Variants in PIGN observed in about 807,000 individuals in gnomAD.
The protein encoded by PIGN is phosphatidylinositol glycan anchor biosynthesis class N.
In PIGN, 117 loss-of-function variants were observed where a neutral mutation model predicts 125.4. That is an observed-to-expected ratio of 0.93 (90% CI 0.80 to 1.09). The LOEUF is 1.09. PIGN is among the 50% of genes least tolerant of loss of function. The probability of loss-of-function intolerance (pLI) is 0.00; values close to 1 mark genes in which losing one functional copy is unlikely to be tolerated. For synonymous variants in PIGN, 392 were observed against 377.8 expected (o/e 1.04, Z -0.44); for missense variants, 1,075 against 1,094.9 (o/e 0.98, Z 0.26).
At chr18:62,071,900 ATATATATAT>A (rs2032891906) in intron 30 of PIGN, among the ~76,000 whole-genome samples, 2 of 111,622 alleles carry the variant, frequency 1.8e-5, no homozygotes, top group Admixed American at 8.9e-5. Context: ...ATATATATAT[ATATATATAT>A]AAATTTAACT....
intron 14 of PIGN, among the ~76,000 whole-genome samples, chr18:62,125,205 TATAA>T (rs1184143702): frequency 6.6e-6 from 1 of 150,868 alleles, no homozygotes; most frequent in Non-Finnish European, 1.5e-5. Flanking sequence ...CATATGTGTA[TATAA>T]ATATACACGT....
chr18:62,031,286 T>C (rs2030190500), intron 23 of PIGN, among the ~76,000 whole-genome samples: 1 of 152,244 alleles, frequency 6.6e-6, no homozygotes, highest in African/African-American at 2.4e-5. Flanking sequence ...CCCAGCCATG[T>C]GGAACTGTGA....
rs867762792 is a variant in PIGN, at chr18:62,096,576, A to G, written c.2078-626T>C. On this transcript the variant is annotated intron_variant, in intron 22 of 30. Transcript: ENST00000640252. ...TCTAAGTTTTAGGGTACATGTGCAC[A>G]TTGTGCAGGTTAGTTACATATGTAT... is the stretch of plus-strand genomic sequence containing the variant. 1.7e-3 allele frequency among the ~76,000 whole-genome samples: 167 copies of G among 100,522 alleles called. 1 individual carries two copies. Among genetic ancestry groups the G allele is most frequent in the Middle Eastern group, 7.7e-3 (1 of 130 alleles). 65.9% of individuals were successfully genotyped at this position (100,522 alleles called of 152,430 possible).
At chr18:62,169,677 G>A (rs2037282406) in intron 1 of PIGN, among the ~76,000 whole-genome samples, 1 of 151,744 alleles carries the variant, frequency 6.6e-6, no homozygotes, top group Non-Finnish European at 1.5e-5. Flanking sequence ...CTGCAGTGCA[G>A]TCGTACGATC....
In PIGN at chr18:62,022,470, G is replaced by A. The variant is rs2030064351; in HGVS notation, c.2143-4729C>T. On this transcript the variant is annotated intron_variant, in intron 23 of 24. Coordinates refer to the PIGN transcript ENST00000639600. Reference sequence around the variant, plus strand: ...GGACAATAAGGTTAAGCCCTGAATTGCTAGAGAATTTTCTGCTAAGCTGGT... The same window carrying A: ...GGACAATAAGGTTAAGCCCTGAATTACTAGAGAATTTTCTGCTAAGCTGGT... 2.0e-5 allele frequency among the ~76,000 whole-genome samples: 3 copies of A among 152,176 alleles called. No homozygotes were observed. The South Asian group carries it at 6.2e-4, about 31-fold the overall frequency.
intron 14 of PIGN, among the ~76,000 whole-genome samples, chr18:62,134,497 T>C (rs1448123683): frequency 6.6e-6 from 1 of 152,210 alleles, no homozygotes; most frequent in Non-Finnish European, 1.5e-5. Context: ...ACCGCTACTA[T>C]TCCATGTACA....
chr18:62,175,207 T>A (rs1169853808), intron 1 of PIGN, among the ~76,000 whole-genome samples: 6 of 151,366 alleles, frequency 4.0e-5, no homozygotes, highest in African/African-American at 1.5e-4. Flanking sequence ...AAGTCCATTA[T>A]TTTTCACCTG....
intron 8 of PIGN, among the ~76,000 whole-genome samples, chr18:62,147,801 T>G (rs561964097): frequency 3.9e-5 from 6 of 152,176 alleles, no homozygotes; most frequent in Non-Finnish European, 7.4e-5. Flanking sequence ...ATGTATACAA[T>G]TTATTTGCTA....
chr18:62,150,643 A>C (rs2036497404), intron 7 of PIGN, among the ~76,000 whole-genome samples: 1 of 152,064 alleles, frequency 6.6e-6, no homozygotes, highest in Non-Finnish European at 1.5e-5. Flanking sequence ...TAGAAATAGA[A>C]AGTAGAATGG....
At chr18:62,143,377 T>G (rs1180946838) in intron 10 of PIGN, 31 bp from the exon 11 acceptor site, 6 of 1,352,914 alleles carry the variant, frequency 4.4e-6, no homozygotes, top group Non-Finnish European at 5.2e-6. Flanking sequence ...CAAGATCTGA[T>G]GTTAAGATTT....
chr18:62,133,686 T>C (rs1408090946), intron 14 of PIGN, among the ~76,000 whole-genome samples: 1 of 152,202 alleles, frequency 6.6e-6, no homozygotes, highest in Non-Finnish European at 1.5e-5. Flanking sequence ...ATTATTTTAT[T>C]GCTGGGTATT....
Position 62,082,739 on chromosome 18 carries a change from A to T in PIGN, c.2510T>A (p.Ile837Asn), listed in dbSNP as rs1428071242. 4 of 1,530,536 alleles carry T rather than the reference A, an allele frequency of 2.6e-6. No individual in the cohort carries two copies. Among genetic ancestry groups the T allele is most frequent in the Middle Eastern group, 1.7e-4 (1 of 5,898 alleles). The allele number at this position is 1,530,536 out of a possible 1,614,324, so 94.8% of individuals were successfully genotyped here. The change falls in exon 28 of 31, where the codon ATC becomes AAC. Residue 837 changes from isoleucine to asparagine, a missense_variant. Coordinates refer to ENST00000640252, the MANE Select transcript of PIGN (RefSeq NM_176787.5). ...MGALMMWKILIPFVLVMCAFE... is the reference protein window; with the variant it reads ...MGALMMWKILNPFVLVMCAFE... ...AGCACACATAACAAGAACAAAGGGGATTAAAATCTGTAAAAGAACAATAAA... is the reference window on the plus strand; with the variant it reads ...AGCACACATAACAAGAACAAAGGGGTTTAAAATCTGTAAAAGAACAATAAA...
chr18:62,102,643 A>C (rs2034489186), intron 21 of PIGN, 151 bp downstream of exon 21: 1 of 491,440 alleles, frequency 2.0e-6, no homozygotes. Flanking sequence ...ACACATTTCC[A>C]TGTAGCATCT....
downstream of PIGN, among the ~76,000 whole-genome samples, chr18:62,036,753 T>G (rs950672516): frequency 5.3e-5 from 8 of 152,210 alleles, no homozygotes; most frequent in South Asian, 2.1e-4. Flanking sequence ...GAAAGAATCC[T>G]TATCTTAGCA....
chr18:62,168,529 T>C (rs1479905618), intron 1 of PIGN, among the ~76,000 whole-genome samples: 1 of 152,214 alleles, frequency 6.6e-6, no homozygotes, highest in African/African-American at 2.4e-5. Context: ...GGATAAGTTA[T>C]ATACACCATG....
intron 4 of PIGN, among the ~76,000 whole-genome samples, chr18:62,159,156 A>G (rs1269246837): frequency 6.6e-6 from 1 of 152,196 alleles, no homozygotes; most frequent in African/African-American, 2.4e-5. Context: ...AGGCAGGAGA[A>G]TCGCTTGAAC....
At chr18:62,113,004 T>A (rs572419146) in intron 16 of PIGN, 130 bp downstream of exon 16, 1 of 667,884 alleles carries the variant, frequency 1.5e-6, no homozygotes, top group Admixed American at 3.2e-5. Context: ...TCCAATACAA[T>A]AAAAGCAAAT....
intron 25 of PIGN, among the ~76,000 whole-genome samples, 153 bp from the exon 26 acceptor site, chr18:62,085,417 G>A (rs541655900): frequency 2.6e-5 from 4 of 152,066 alleles, no homozygotes; most frequent in Non-Finnish European, 4.4e-5. Flanking sequence ...ATAACTCCTT[G>A]TGAATGCATT....
intron 5 of PIGN, 145 bp downstream of exon 5, chr18:62,157,542 G>A (rs2036783857): frequency 2.8e-6 from 2 of 727,050 alleles, no homozygotes; most frequent in Admixed American, 4.5e-5. Flanking sequence ...AGTACCAGTG[G>A]GTATTCATGT....
Sources: gnomAD v4.1 joint callset for allele counts (sites outside exome capture counted in the v4.1 genomes callset) on GRCh38, gnomAD v4.1.1 for gene constraint, MANE v1.5 for transcripts, NCBI Gene and HGNC (gene_info 2026-07-23, HGNC 2026-07-21) for gene names.